The following ARID4B variants were observed in gnomAD, a reference collection of about 807,000 sequenced individuals.
ARID4B encodes the protein AT-rich interaction domain 4B.
A neutral mutation model predicts 147.5 loss-of-function variants in ARID4B; 26 were observed. The ratio of observed to expected loss-of-function variants is 0.18; its 90% CI spans 0.13 to 0.24. The LOEUF (loss-of-function observed/expected upper bound fraction) is 0.24, where lower values mean the gene tolerates loss of function less well. Ranked by LOEUF, ARID4B falls within the 10% of genes least tolerant of loss-of-function variation. The probability of loss-of-function intolerance (pLI) is 1.00; values close to 1 mark genes in which losing one functional copy is unlikely to be tolerated. For missense variants in ARID4B, 1,179 were observed against 1,511.5 expected, an observed-to-expected ratio of 0.78 and a Z score of 3.65; for synonymous variants, 512 against 507.9, an observed-to-expected ratio of 1.01 and a Z score of -0.11.
chr1:235,260,117 T>G (rs1439595655), intron 3 of ARID4B, among the ~76,000 whole-genome samples: 2 of 152,220 alleles, frequency 1.3e-5, no homozygotes, highest in African/African-American at 4.8e-5. Flanking sequence ...TCAAGTACTT[T>G]AGAAAGATGT....
intron 2 of ARID4B, among the ~76,000 whole-genome samples, chr1:235,267,160 C>T (rs1004320386): frequency 5.3e-5 from 8 of 152,058 alleles, no homozygotes; most frequent in Admixed American, 1.3e-4. Context: ...CACGTATGGT[C>T]CCAACTACTA....
chr1:235,216,411 G>C (rs1467978898), intron 16 of ARID4B, among the ~76,000 whole-genome samples: 2 of 151,792 alleles, frequency 1.3e-5, no homozygotes, highest in Non-Finnish European at 1.5e-5. Context: ...ACAGTGGCGT[G>C]ATCTCAGCTC....
At chr1:235,263,739 C>T (rs1054030757) in intron 2 of ARID4B, among the ~76,000 whole-genome samples, 1 of 151,530 alleles carries the variant, frequency 6.6e-6, no homozygotes, top group Non-Finnish European at 1.5e-5. Flanking sequence ...TGTAATCCCA[C>T]CACTTTGGGA....
In ARID4B at chr1:235,175,045, T is replaced by G. The variant is rs561854097; in HGVS notation, c.3664+139A>C. ...GGCTTGAACCCAGGAGGCTGAAGAT[T>G]ACAGTGAGCCAAGATCGCACCACCG... On this transcript the variant is annotated intron_variant, in intron 22 of 23. Coordinates refer to ENST00000264183, the MANE Select transcript of ARID4B (RefSeq NM_016374.6). 198 of 724,940 alleles carry G rather than the reference T, an allele frequency of 2.7e-4. No homozygotes were observed. In the East Asian group the frequency reaches 5.2e-3, roughly 19 times the overall value. The allele number at this position is 724,940 out of a possible 1,614,324, so 44.9% of individuals were successfully genotyped here.
chr1:235,325,336 C>G (rs1675148431), intron 2 of ARID4B, among the ~76,000 whole-genome samples: 1 of 150,720 alleles, frequency 6.6e-6, no homozygotes, highest in Non-Finnish European at 1.5e-5. Flanking sequence ...AAGTTTCCAA[C>G]ATACTTTCAT....
intron 17 of ARID4B, among the ~76,000 whole-genome samples, chr1:235,208,764 A>T (rs1666499733): frequency 6.6e-6 from 1 of 151,818 alleles, no homozygotes; most frequent in South Asian, 2.1e-4. Context: ...TGATCCGCCC[A>T]CCTCGGCCTC....
chr1:235,302,883 T>C (rs1673279129), intron 2 of ARID4B, among the ~76,000 whole-genome samples: 1 of 152,236 alleles, frequency 6.6e-6, no homozygotes, highest in Non-Finnish European at 1.5e-5. Flanking sequence ...AGGCAGTAAG[T>C]AATAGTGCCA....
chr1:235,272,579 T>C (rs1671059483), intron 2 of ARID4B, among the ~76,000 whole-genome samples: 1 of 152,126 alleles, frequency 6.6e-6, no homozygotes. Context: ...AAACTTTAGG[T>C]TCATAACTTA....
chr1:235,259,735 C>G (rs969653188), intron 3 of ARID4B, among the ~76,000 whole-genome samples: 2 of 152,146 alleles, frequency 1.3e-5, no homozygotes, highest in Non-Finnish European at 2.9e-5. Context: ...ATTAGAATCA[C>G]CCAGGTAGCT....
intron 5 of ARID4B, among the ~76,000 whole-genome samples, chr1:235,254,401 A>C (rs568977471): frequency 3.3e-5 from 5 of 152,188 alleles, no homozygotes; most frequent in South Asian, 2.1e-4. Flanking sequence ...ATACTTTTTA[A>C]TCATTATTTT....
Position 235,223,265 on chromosome 1 carries a change from TA to T in ARID4B, c.971-6del. 1 of 1,501,440 alleles carries T rather than the reference TA, an allele frequency of 6.7e-7. No individual in the cohort carries two copies. Among genetic ancestry groups the T allele is most frequent in the Non-Finnish European group, 9.0e-7 (1 of 1,109,846 alleles). The allele number at this position is 1,501,440 out of a possible 1,614,324, so 93.0% of individuals were successfully genotyped here. Reference sequence around the variant, plus strand: ...GTCGTTTGTTAATAGGTGTACCTGTTACAGAAAACACAAACTATATTAGATC... The same window carrying T: ...GTCGTTTGTTAATAGGTGTACCTGTTCAGAAAACACAAACTATATTAGATC... On this transcript the variant is annotated splice_polypyrimidine_tract_variant and splice_region_variant and intron_variant, in intron 12 of 23. Coordinates refer to ENST00000264183, the MANE Select transcript of ARID4B (RefSeq NM_016374.6).
intron 8 of ARID4B, among the ~76,000 whole-genome samples, chr1:235,239,682 A>C (rs1668859062): frequency 6.6e-6 from 1 of 152,230 alleles, no homozygotes; most frequent in Non-Finnish European, 1.5e-5. Context: ...TGGGACAATC[A>C]TGAGGATACT....
At chr1:235,269,952 T>G (rs1022207800) in intron 2 of ARID4B, among the ~76,000 whole-genome samples, 8 of 147,852 alleles carry the variant, frequency 5.4e-5, no homozygotes, top group South Asian at 2.1e-4. Flanking sequence ...TGTTTGTCTG[T>G]TTTTTTTGCT....
chr1:235,322,425 TAC>T (rs1250580118), intron 2 of ARID4B, among the ~76,000 whole-genome samples: 4 of 152,194 alleles, frequency 2.6e-5, no homozygotes, highest in Admixed American at 6.5e-5. Flanking sequence ...CCAAATTACT[TAC>T]AGTTTCCAGA....
At chr1:235,254,049 C>G (rs1488520433) in intron 5 of ARID4B, among the ~76,000 whole-genome samples, 1 of 152,116 alleles carries the variant, frequency 6.6e-6, no homozygotes, top group Non-Finnish European at 1.5e-5. Context: ...AATGATGTAA[C>G]TAAAATATAC....
chr1:235,290,279 C>T (rs1002291736), intron 2 of ARID4B, among the ~76,000 whole-genome samples: 3 of 151,948 alleles, frequency 2.0e-5, no homozygotes, highest in South Asian at 2.1e-4. Flanking sequence ...CCTGTCTCCA[C>T]TAAAAATACA....
At chr1:235,179,907 A>C (rs1184554401) in intron 20 of ARID4B, among the ~76,000 whole-genome samples, 1 of 151,596 alleles carries the variant, frequency 6.6e-6, no homozygotes, top group African/African-American at 2.4e-5. Flanking sequence ...CATCTCTACT[A>C]AAAATACAAA....
intron 2 of ARID4B, among the ~76,000 whole-genome samples, chr1:235,312,311 C>A (rs780680094): frequency 4.8e-5 from 7 of 146,482 alleles, no homozygotes; most frequent in Admixed American, 1.4e-4. Flanking sequence ...AAGAAAATTA[C>A]GAACAATATG....
At chr1:235,233,642 A>G (rs1668379495) in intron 9 of ARID4B, among the ~76,000 whole-genome samples, 1 of 152,178 alleles carries the variant, frequency 6.6e-6, no homozygotes, top group Non-Finnish European at 1.5e-5. Context: ...ATCCATATAC[A>G]AGTAACCCAT....
Sources: allele counts gnomAD v4.1 joint callset (sites outside exome capture counted in the v4.1 genomes callset), GRCh38; gene constraint gnomAD v4.1.1; transcripts MANE v1.5; gene names NCBI Gene and HGNC (gene_info 2026-07-23, HGNC 2026-07-21).